MEG3: variants seen among roughly 807,000 people sequenced by gnomAD.
MEG3 encodes maternally expressed 3.
intron 3 of MEG3, chr14:100,851,728 T>G (rs893396127): frequency 2.0e-5 from 3 of 152,862 alleles, no homozygotes; most frequent in Admixed American, 6.5e-5. Context: ...CTCGGCTGTT[T>G]CACGACGTGT....
chr14:100,855,705 A>G (rs1426003290), upstream of MEG3: 1 of 152,214 alleles, frequency 6.6e-6, no homozygotes, highest in Admixed American at 6.5e-5. Flanking sequence ...CCAGTGCTAT[A>G]CTAGAGCTGG....
chr14:100,840,854 C>T (rs931369067), intron 2 of MEG3, among the ~76,000 whole-genome samples: 3 of 152,134 alleles, frequency 2.0e-5, no homozygotes, highest in South Asian at 4.1e-4. Context: ...GGAGGACAGT[C>T]GGGGGCCAAA....
Position 100,849,144 on chromosome 14 carries a change from A to C in MEG3, n.3121+3611A>C, listed in dbSNP as rs4900478. On this transcript the variant is annotated intron_variant and non_coding_transcript_variant, in intron 3 of 3. Coordinates refer to the MEG3 transcript ENST00000398461. ...GCAATACAAACATATTGAATGAATAAATAAAGACATAAATATGTGGGAGAG... is the reference window on the plus strand; with the variant it reads ...GCAATACAAACATATTGAATGAATACATAAAGACATAAATATGTGGGAGAG... 0.26 allele frequency: 40,235 copies of C among 152,104 alleles called. 6,169 individuals are homozygous for C. Among genetic ancestry groups the C allele is most frequent in the Non-Finnish European group, 0.34 (22,798 of 67,960 alleles). The allele number at this position is 152,104 out of a possible 1,614,324, so 9.4% of individuals were successfully genotyped here. A position where few individuals can be genotyped will look rare whatever the true frequency, so the allele number is the denominator to read the frequency against.
downstream of MEG3, chr14:100,833,712 T>G (rs968954699): frequency 6.6e-6 from 1 of 152,194 alleles, no homozygotes; most frequent in African/African-American, 2.4e-5. Context: ...TGCCCTTATT[T>G]GTCCCAAGCT....
downstream of MEG3, chr14:100,831,661 A>G (rs1053844525): frequency 2.0e-5 from 3 of 152,024 alleles, no homozygotes; most frequent in Non-Finnish European, 4.4e-5. Flanking sequence ...CACTCCCTTC[A>G]CAGAGACACT....
chr14:100,857,466 G>C (rs2038276144), exon 1 of MEG3: 1 of 152,238 alleles, frequency 6.6e-6, no homozygotes, highest in South Asian at 2.1e-4. Context: ...TTGAAAGCAT[G>C]AGTGATGGCT....
chr14:100,828,060 C>T (rs2037293053), intron 1 of MEG3, among the ~76,000 whole-genome samples: 1 of 152,024 alleles, frequency 6.6e-6, no homozygotes, highest in Admixed American at 6.5e-5. Flanking sequence ...CTGGTGGTGG[C>T]TGGAGAGGCG....
chr14:100,851,578 C>G (rs958984740), intron 3 of MEG3: 2 of 152,222 alleles, frequency 1.3e-5, no homozygotes, highest in African/African-American at 4.8e-5. Context: ...TTCCATGGGG[C>G]AGGGCGCCCA....
chr14:100,858,411 C>A (rs976802947), exon 1 of MEG3: 32 of 152,954 alleles, frequency 2.1e-4, no homozygotes, highest in African/African-American at 7.2e-4. Context: ...TCGTCTCTTG[C>A]ACGTGGGGGT....
upstream of MEG3, chr14:100,856,044 C>T (rs1033936643): frequency 1.3e-5 from 2 of 152,196 alleles, no homozygotes; most frequent in African/African-American, 4.8e-5. Context: ...TCTGGCCTTT[C>T]CTGGAGGTGA....
intron 3 of MEG3, chr14:100,851,894 T>C (rs2038090508): frequency 6.2e-6 from 1 of 160,634 alleles, no homozygotes; most frequent in East Asian, 1.9e-4. Context: ...TTCTCTGTAG[T>C]GGAGGAAATG....
chr14:100,857,102 A>T (rs1373941334), upstream of MEG3: 1 of 152,066 alleles, frequency 6.6e-6, no homozygotes. Flanking sequence ...TTACTAAGAG[A>T]TTATTATTTT....
At chr14:100,835,075 T>C in exon 1 of MEG3, 1 of 344,644 alleles carries the variant, frequency 2.9e-6, no homozygotes. Flanking sequence ...GCTGGAGCAG[T>C]GGACTGTGGC....
chr14:100,860,721 A>C (rs1486713639), intron 1 of MEG3: 1 of 456,512 alleles, frequency 2.2e-6, no homozygotes, highest in Non-Finnish European at 4.4e-6. Context: ...CCCTGCACCT[A>C]TTCCCACGGG....
exon 1 of MEG3, chr14:100,859,933 G>A (rs953717893): frequency 6.6e-6 from 1 of 152,308 alleles, no homozygotes; most frequent in Non-Finnish European, 1.5e-5. Flanking sequence ...TGGCCTGGGC[G>A]AGTTTGTTGT....
chr14:100,834,676 C>G, exon 1 of MEG3: 1 of 456,580 alleles, frequency 2.2e-6, no homozygotes, highest in Non-Finnish European at 4.4e-6. Flanking sequence ...AGCCCCGTGT[C>G]TCCTCAGGGT....
exon 2 of MEG3, chr14:100,836,259 GTCT>G (rs1393023325): frequency 8.8e-6 from 4 of 456,682 alleles, no homozygotes; most frequent in South Asian, 3.1e-5. Context: ...CCGGACCCAA[GTCT>G]TCTTCCTGGC....
chr14:100,844,474 C>CTG (rs35474705), intron 2 of MEG3, among the ~76,000 whole-genome samples: 42,848 of 152,024 alleles, frequency 0.28, 6,183 homozygotes, highest in Admixed American at 0.34. Context: ...AATGAATAAA[C>CTG]TTTTTTTCTG....
In MEG3 at chr14:100,845,615, G is replaced by A. The variant is rs1263237088; in HGVS notation, n.3121+82G>A. On this transcript the variant is annotated intron_variant and non_coding_transcript_variant, in intron 3 of 3. Coordinates refer to the MEG3 transcript ENST00000398461. The surrounding 1 kb of genome is among the most constrained non-coding windows in gnomAD (Gnocchi z 5.2). Reference sequence around the variant, plus strand: ...AGCTGCCCGGAGCACACCGCCAGGCGGACCTCGTGGAGGGGCTGGCGGGCA... The same window carrying A: ...AGCTGCCCGGAGCACACCGCCAGGCAGACCTCGTGGAGGGGCTGGCGGGCA... The A allele has an allele frequency of 6.1e-5, 25 of 412,754 alleles. No individual in the cohort carries two copies. In the East Asian group the frequency reaches 6.6e-4, roughly 11 times the overall value. 25.6% of individuals were successfully genotyped at this position (412,754 alleles called of 1,614,324 possible).
Sources: allele counts gnomAD v4.1 joint callset (sites outside exome capture counted in the v4.1 genomes callset), GRCh38; gene constraint gnomAD v4.1.1; non-coding constraint Gnocchi (gnomAD v3.1); transcripts MANE v1.5; gene names NCBI Gene and HGNC (gene_info 2026-07-23, HGNC 2026-07-21).